Variants in C1orf21 observed in about 807,000 individuals in gnomAD.
C1orf21 encodes chromosome 1 open reading frame 21, also known as uncharacterized protein C1orf21.
In C1orf21, 3 loss-of-function variants were observed where a neutral mutation model predicts 18.7. The ratio of observed to expected loss-of-function variants is 0.16; its 90% CI spans 0.07 to 0.42. The LOEUF (loss-of-function observed/expected upper bound fraction) is 0.42, where lower values mean the gene tolerates loss of function less well. C1orf21 is among the 10% of genes least tolerant of loss of function. The pLI is 0.99. For synonymous variants in C1orf21, 41 were observed against 46.4 expected, an observed-to-expected ratio of 0.88 and a Z score of 0.47; for missense variants, 104 against 143.6, an observed-to-expected ratio of 0.72 and a Z score of 1.41.
At position 184,429,969 on chromosome 1, in the gene C1orf21, G is replaced by A. The variant is rs1033312066; in HGVS notation, c.-125+42601G>A. Among the ~76,000 whole-genome samples the A allele has an allele frequency of 4.6e-5, 7 of 151,890 alleles. No homozygotes were observed. In the East Asian group the frequency reaches 5.8e-4, roughly 13 times the overall value. The stretch of plus-strand genomic sequence containing the variant: ...TAAAAATACAAAAACAAAATTAGCC[G>A]GGTGAAGTGGTGGGTGCCTGTAGTC... On this transcript the variant is annotated intron_variant, in intron 1 of 5. Transcript: ENST00000235307.
intron 2 of C1orf21, among the ~76,000 whole-genome samples, chr1:184,488,806 A>G (rs1657770530): frequency 6.6e-6 from 1 of 152,178 alleles, no homozygotes; most frequent in Non-Finnish European, 1.5e-5. Flanking sequence ...CTCTACTAAA[A>G]TACAAAAAAT....
intron 5 of C1orf21, among the ~76,000 whole-genome samples, chr1:184,615,250 G>T (rs1339860896): frequency 6.6e-6 from 1 of 152,168 alleles, no homozygotes; most frequent in Non-Finnish European, 1.5e-5. Flanking sequence ...AGACGTGGAA[G>T]CCTCTACACA....
rs560827323 is a variant in C1orf21, at chr1:184,625,233, A to T, written c.*5677A>T. 2 of 152,440 alleles carry T rather than the reference A, an allele frequency of 1.3e-5. No homozygotes were observed. The highest frequency in any genetic ancestry group is 4.8e-5 in the African/African-American group (2 of 41,584). 9.4% of individuals were successfully genotyped at this position (152,440 alleles called of 1,614,324 possible). ...AAGACTTAGAGGCAGTATAAAGAACACCATAAACTTAGGCAGAGGTCCCTT... is the reference window on the plus strand; with the variant it reads ...AAGACTTAGAGGCAGTATAAAGAACTCCATAAACTTAGGCAGAGGTCCCTT... On this transcript the variant is annotated 3_prime_UTR_variant, in exon 6 of 6. Coordinates refer to ENST00000235307, the MANE Select transcript of C1orf21 (RefSeq NM_030806.4).
At position 184,387,647 on chromosome 1, in the gene C1orf21, G is replaced by A. The variant is rs527279651; in HGVS notation, c.-125+279G>A. Among the ~76,000 whole-genome samples, 384 of 152,224 alleles carry A rather than the reference G, an allele frequency of 2.5e-3. 2 individuals carry two copies. The highest frequency in any genetic ancestry group is 7.7e-3 in the African/African-American group (321 of 41,572). On this transcript the variant is annotated intron_variant, in intron 1 of 5. Transcript: ENST00000235307. The surrounding 1 kb of genome is among the most constrained non-coding windows in gnomAD (Gnocchi z 5.6). ...GCCTGGGCGGAGGGGCTGGGATGTG[G>A]TCGGGGCTGCTGACGACTTTCGTCA...
At chr1:184,529,108 T>G (rs1312313285) in intron 3 of C1orf21, among the ~76,000 whole-genome samples, 3 of 152,180 alleles carry the variant, frequency 2.0e-5, no homozygotes, top group African/African-American at 7.2e-5. Flanking sequence ...CCGATTTACT[T>G]AAGAGTAAAA....
At chr1:184,547,726 T>G (rs1250346660) in intron 3 of C1orf21, among the ~76,000 whole-genome samples, 1 of 152,220 alleles carries the variant, frequency 6.6e-6, no homozygotes, top group Non-Finnish European at 1.5e-5. Flanking sequence ...TCTAAAAATT[T>G]GAATAGATGA....
intron 3 of C1orf21, among the ~76,000 whole-genome samples, chr1:184,562,581 A>AG (rs1196963987): frequency 6.6e-6 from 1 of 152,234 alleles, no homozygotes; most frequent in Non-Finnish European, 1.5e-5. Flanking sequence ...TGAAGCATCG[A>AG]GGGAATAATT....
intron 1 of C1orf21, among the ~76,000 whole-genome samples, chr1:184,421,061 C>T (rs1314040937): frequency 6.6e-6 from 1 of 152,074 alleles, no homozygotes; most frequent in African/African-American, 2.4e-5. Context: ...ATAGTTTCAC[C>T]ATTGTTTTGG....
At chr1:184,537,729 C>T (rs1316847690) in intron 3 of C1orf21, among the ~76,000 whole-genome samples, 3 of 152,190 alleles carry the variant, frequency 2.0e-5, no homozygotes, top group Non-Finnish European at 4.4e-5. Context: ...TGGCTCACCG[C>T]AACCTCCGCC....
chr1:184,419,518 T>G (rs897498780), intron 1 of C1orf21, among the ~76,000 whole-genome samples: 1 of 152,158 alleles, frequency 6.6e-6, no homozygotes, highest in African/African-American at 2.4e-5. Context: ...GAGGTTTCAC[T>G]GAGCAATGCA....
At chr1:184,438,067 C>T (rs72735678) in intron 1 of C1orf21, among the ~76,000 whole-genome samples, 23,760 of 152,130 alleles carry the variant, frequency 0.16, 1,881 homozygotes, top group African/African-American at 0.18. Context: ...CCACCACTCA[C>T]CTGCTGTGGG....
At chr1:184,495,340 C>T (rs1657875481) in intron 2 of C1orf21, among the ~76,000 whole-genome samples, 1 of 152,184 alleles carries the variant, frequency 6.6e-6, no homozygotes, top group African/African-American at 2.4e-5. Context: ...CACTTGTACC[C>T]ACCATCCCAG....
At chr1:184,571,095 C>G (rs1659102612) in intron 3 of C1orf21, among the ~76,000 whole-genome samples, 1 of 152,000 alleles carries the variant, frequency 6.6e-6, no homozygotes, top group East Asian at 1.9e-4. Context: ...AGATCGAGAC[C>G]ATCCCGGCTA....
intron 4 of C1orf21, among the ~76,000 whole-genome samples, chr1:184,595,852 T>C (rs1659506693): frequency 6.6e-6 from 1 of 152,188 alleles, no homozygotes; most frequent in Non-Finnish European, 1.5e-5. Context: ...CAGTCTGGTG[T>C]GTGACTCTTC....
At chr1:184,582,484 G>A (rs1431331113) in intron 3 of C1orf21, among the ~76,000 whole-genome samples, 1 of 152,268 alleles carries the variant, frequency 6.6e-6, no homozygotes. Context: ...TCTGTGTAGG[G>A]CACTCATTAG....
At chr1:184,413,533 T>C (rs1656394569) in intron 1 of C1orf21, among the ~76,000 whole-genome samples, 3 of 152,216 alleles carry the variant, frequency 2.0e-5, no homozygotes, top group Admixed American at 2.0e-4. Flanking sequence ...TGACCAGCTA[T>C]AGAGGTTGGC....
chr1:184,528,140 C>T (rs1658404904), intron 3 of C1orf21, among the ~76,000 whole-genome samples: 1 of 152,104 alleles, frequency 6.6e-6, no homozygotes, highest in Non-Finnish European at 1.5e-5. Context: ...TAAAATTTTT[C>T]CACTTTACAG....
At chr1:184,429,622 CTGT>C (rs927802050) in intron 1 of C1orf21, among the ~76,000 whole-genome samples, 2 of 152,122 alleles carry the variant, frequency 1.3e-5, no homozygotes, top group East Asian at 1.9e-4. Context: ...TTAGACGGAT[CTGT>C]TGTTCTAAGA....
intron 1 of C1orf21, among the ~76,000 whole-genome samples, chr1:184,391,676 C>A (rs1320272571): frequency 6.6e-6 from 1 of 151,964 alleles, no homozygotes; most frequent in Non-Finnish European, 1.5e-5. Flanking sequence ...GGAAACATAC[C>A]AAGCATGATG....
Sources: gnomAD v4.1 joint callset for allele counts (sites outside exome capture counted in the v4.1 genomes callset) on GRCh38, gnomAD v4.1.1 for gene constraint, Gnocchi (gnomAD v3.1) non-coding constraint, MANE v1.5 for transcripts, NCBI Gene and HGNC (gene_info 2026-07-23, HGNC 2026-07-21) for gene names.